Variants in TOP2B observed in about 807,000 individuals in gnomAD.
TOP2B encodes DNA topoisomerase 2-beta.
Under a neutral mutation model 193.5 loss-of-function variants are expected in TOP2B, and 51 were observed. The ratio of observed to expected loss-of-function variants is 0.26; its 90% CI spans 0.21 to 0.33. The LOEUF is 0.33. Ranked by LOEUF, TOP2B falls within the 10% of genes least tolerant of loss-of-function variation. TOP2B has a pLI of 1.00. For missense variants in TOP2B, 1,378 were observed against 1,909.3 expected (o/e 0.72, Z 5.19); for synonymous variants, 634 against 635.7 (o/e 1.00, Z 0.04).
chr3:25,640,734 AG>A (rs1703233944), intron 4 of TOP2B, among the ~76,000 whole-genome samples: 2 of 149,866 alleles, frequency 1.3e-5, no homozygotes, highest in South Asian at 4.3e-4. Context: ...GTTGTCTTAT[AG>A]CTCACTTCTT....
At chr3:25,627,337 T>C (rs983648510) in intron 15 of TOP2B, 41 bp from the exon 16 acceptor site, 1 of 1,337,436 alleles carries the variant, frequency 7.5e-7, no homozygotes, top group Non-Finnish European at 1.0e-6. Context: ...TGAATATCAA[T>C]GTCTGTTTAA....
At chr3:25,642,257 A>T in intron 4 of TOP2B, 65 bp downstream of exon 4, 1 of 891,898 alleles carries the variant, frequency 1.1e-6, no homozygotes, top group Non-Finnish European at 1.8e-6. Flanking sequence ...TTTGAGGAGT[A>T]CTCATAAATT....
rs567525526 is a variant in TOP2B at position 25,639,168 on chromosome 3, A to T, written c.396-858T>A. The stretch of plus-strand genomic sequence containing the variant: ...TATATATACTATGATTCCGTTTGTT[A>T]AAAAAAGAAATGTCTACATATATAA... On this transcript the variant is annotated intron_variant, in intron 4 of 35. Coordinates refer to ENST00000264331, the MANE Select transcript of TOP2B (RefSeq NM_001330700.2). Among the ~76,000 whole-genome samples the T allele has an allele frequency of 3.9e-5, 6 of 152,322 alleles. No individual in the cohort carries two copies. The East Asian group carries it at 7.7e-4, about 20-fold the overall frequency.
At position 25,641,701 on chromosome 3, in the gene TOP2B, TTA is replaced by T. The variant is rs1306308934; in HGVS notation, c.395+619_395+620del. On this transcript the variant is annotated intron_variant, in intron 4 of 35. Coordinates refer to ENST00000264331, the MANE Select transcript of TOP2B (RefSeq NM_001330700.2). ...AGACTATACCTGAATTATTAGATTTTTATGTTTACTAGAGAAAAATCTTAAAA... is the reference window on the plus strand; with the variant it reads ...AGACTATACCTGAATTATTAGATTTTTGTTTACTAGAGAAAAATCTTAAAA... 2.0e-5 allele frequency among the ~76,000 whole-genome samples: 3 copies of T among 152,252 alleles called. No homozygotes were observed. In the East Asian group the frequency reaches 5.8e-4, roughly 29 times the overall value.
rs1011011453 is a variant in TOP2B at position 25,634,102 on chromosome 3, C to T, written c.853-88G>A. 1.1e-4 allele frequency: 111 copies of T among 988,326 alleles called. No homozygotes were observed. The African/African-American group carries it at 1.6e-3, about 14-fold the overall frequency. The allele number at this position is 988,326 out of a possible 1,614,324, so 61.2% of individuals were successfully genotyped here. On this transcript the variant is annotated intron_variant, in intron 7 of 35. Transcript: ENST00000264331. Reference sequence around the variant, plus strand: ...ACCTTCAGTACGTATACTTTCATTTCCTCTCACTTACAACAGTTCTAAGTG... The same window carrying T: ...ACCTTCAGTACGTATACTTTCATTTTCTCTCACTTACAACAGTTCTAAGTG...
intron 25 of TOP2B, among the ~76,000 whole-genome samples, chr3:25,616,621 T>C (rs1252479281): frequency 6.6e-6 from 1 of 151,968 alleles, no homozygotes; most frequent in Admixed American, 6.6e-5. Flanking sequence ...GATTAATAAG[T>C]ACCTAGATAA....
At chr3:25,631,860 T>C (rs964000083) in intron 10 of TOP2B, among the ~76,000 whole-genome samples, 1 of 152,006 alleles carries the variant, frequency 6.6e-6, no homozygotes, top group Non-Finnish European at 1.5e-5. Context: ...ATAATCTACT[T>C]TTTGGAATTT....
intron 8 of TOP2B, among the ~76,000 whole-genome samples, chr3:25,633,310 T>C (rs1703013318): frequency 6.6e-6 from 1 of 152,026 alleles, no homozygotes; most frequent in African/African-American, 2.4e-5. Context: ...GTTTTTTATA[T>C]AGGATCCAGC....
At position 25,599,423 on chromosome 3, in the gene TOP2B, G is replaced by A; in HGVS notation, c.4710+12C>T. ...AAGCCATGCACTAATATGCAATGAT[G>A]TTCCCGGTTACCTTGCTTGTTGTTT... On this transcript the variant is annotated intron_variant, in intron 35 of 35. Coordinates refer to ENST00000264331, the MANE Select transcript of TOP2B (RefSeq NM_001330700.2). The A allele has an allele frequency of 6.2e-7, 1 of 1,611,756 alleles. No individual in the cohort carries two copies. Among genetic ancestry groups the A allele is most frequent in the Non-Finnish European group, 8.5e-7 (1 of 1,178,746 alleles).
At chr3:25,605,518 G>T (rs1442268546) in intron 32 of TOP2B, among the ~76,000 whole-genome samples, 9 of 151,976 alleles carry the variant, frequency 5.9e-5, no homozygotes, top group Admixed American at 2.0e-4. Context: ...TAAATGTATA[G>T]ATGTGTGTAT....
intron 22 of TOP2B, 114 bp downstream of exon 22, chr3:25,620,568 G>C: frequency 8.9e-7 from 1 of 1,124,384 alleles, no homozygotes; most frequent in Non-Finnish European, 1.2e-6. Context: ...AGAAGGTACA[G>C]GAATTTTTTA....
intron 33 of TOP2B, among the ~76,000 whole-genome samples, chr3:25,604,271 G>C (rs554355628): frequency 6.6e-6 from 1 of 151,956 alleles, no homozygotes; most frequent in Non-Finnish European, 1.5e-5. Flanking sequence ...AAAAGACCAC[G>C]GTACATATAT....
At chr3:25,616,711 A>T (rs1430969900) in intron 25 of TOP2B, among the ~76,000 whole-genome samples, 2 of 151,922 alleles carry the variant, frequency 1.3e-5, no homozygotes, top group African/African-American at 4.8e-5. Flanking sequence ...GTTGTTAGAC[A>T]ACTATAAAAA....
rs775113141 is a variant in TOP2B at position 25,633,994 on chromosome 3, A to G, written c.873T>C (p.Tyr291=). 10 of 1,606,304 alleles carry G rather than the reference A, an allele frequency of 6.2e-6. No homozygotes were observed. Among genetic ancestry groups the G allele is most frequent in the African/African-American group, 2.7e-5 (2 of 74,372 alleles). ...ATTTGTCTTTCACATAAAGATCTAC[A>G]TAACTGCGAAATCCATTTACCTATT... ...KKLPVNGFRS[Y]VDLYVKDKLD... is the part of the protein sequence containing the mutation. Residue 291 remains tyrosine (Y), a synonymous_variant, in exon 8 of 36, where the codon TAT becomes TAC. Transcript: ENST00000264331.
At chr3:25,655,620 C>G (rs898777243) in intron 1 of TOP2B, among the ~76,000 whole-genome samples, 2 of 152,086 alleles carry the variant, frequency 1.3e-5, no homozygotes, top group East Asian at 3.8e-4. Context: ...AGCCAAAAGG[C>G]GAGGCAACCC....
chr3:25,643,911 C>G lies in TOP2B; in HGVS notation c.241-127G>C, dbSNP rs1703335615. ...GATCTGCAAAGTAGAAAAACATATACAACTTCAGTAATAGTCAACTTCACT... is the reference window on the plus strand; with the variant it reads ...GATCTGCAAAGTAGAAAAACATATAGAACTTCAGTAATAGTCAACTTCACT... On this transcript the variant is annotated intron_variant, in intron 2 of 35. Coordinates refer to ENST00000264331, the MANE Select transcript of TOP2B (RefSeq NM_001330700.2). 12 of 614,194 alleles carry G rather than the reference C, an allele frequency of 2.0e-5. No individual in the cohort carries two copies. The South Asian group carries it at 2.4e-4, about 13-fold the overall frequency. 38.0% of individuals were successfully genotyped at this position (614,194 alleles called of 1,614,324 possible).
chr3:25,612,010 T>C (rs758024179), intron 28 of TOP2B, among the ~76,000 whole-genome samples: 8 of 152,058 alleles, frequency 5.3e-5, no homozygotes, highest in Non-Finnish European at 1.2e-4. Flanking sequence ...TGGCACAATC[T>C]CGGCTCACTG....
At chr3:25,630,647 T>C (rs959552777) in intron 11 of TOP2B, among the ~76,000 whole-genome samples, 154 bp downstream of exon 11, 1 of 152,116 alleles carries the variant, frequency 6.6e-6, no homozygotes, top group Non-Finnish European at 1.5e-5. Flanking sequence ...CCCTGAAAAT[T>C]AGTAATATGT....
rs759236253 is a variant in TOP2B at position 25,630,987 on chromosome 3, AT to A, written c.1267-49del. The A allele has an allele frequency of 8.6e-6, 13 of 1,513,146 alleles. No individual in the cohort carries two copies. The East Asian group carries it at 3.1e-4, about 36-fold the overall frequency. The allele number at this position is 1,513,146 out of a possible 1,614,324, so 93.7% of individuals were successfully genotyped here. ...ATACAAACAAGCTGAAAATTCATAC[AT>A]TTAGCTAAAATGTATAGGGCCTAAT... On this transcript the variant is annotated intron_variant, in intron 10 of 35. Transcript: ENST00000264331.
Sources: allele counts gnomAD v4.1 joint callset (sites outside exome capture counted in the v4.1 genomes callset), GRCh38; gene constraint gnomAD v4.1.1; transcripts MANE v1.5; gene names NCBI Gene and HGNC (gene_info 2026-07-23, HGNC 2026-07-21).